Variants in DNAJC1 observed in about 807,000 individuals in gnomAD.
The protein encoded by DNAJC1 is DnaJ heat shock protein family (Hsp40) member C1.
A neutral mutation model predicts 76.6 loss-of-function variants in DNAJC1; 58 were observed. The observed-to-expected ratio is 0.76, with a 90% CI of 0.61 to 0.94. The LOEUF (loss-of-function observed/expected upper bound fraction) is 0.94. DNAJC1 is among the 40% of genes least tolerant of loss of function. The pLI is 0.00. For synonymous variants in DNAJC1, 258 were observed against 267.9 expected, an observed-to-expected ratio of 0.96 and a Z score of 0.36; for missense variants, 689 against 677.3, an observed-to-expected ratio of 1.02 and a Z score of -0.19.
chr10:21,954,562 C>T (rs1054096730), intron 1 of DNAJC1, among the ~76,000 whole-genome samples: 4 of 152,082 alleles, frequency 2.6e-5, no homozygotes, highest in Non-Finnish European at 5.9e-5. Flanking sequence ...AAATAGTAGG[C>T]TGAAATATAG....
At position 21,759,146 on chromosome 10, in the gene DNAJC1, G is replaced by A; in HGVS notation, c.1596+24C>T. ...CTGGTGGGATTCTAACACCTGTGCA[G>A]AGGCCTCTTTCCCCATCACTCACCT... On this transcript the variant is annotated intron_variant, in intron 11 of 11. Coordinates refer to ENST00000376980, the MANE Select transcript of DNAJC1 (RefSeq NM_022365.4). 1.9e-6 allele frequency: 3 copies of A among 1,599,582 alleles called. No homozygotes were observed. In the East Asian group the frequency reaches 6.7e-5, roughly 36 times the overall value.
intron 8 of DNAJC1, among the ~76,000 whole-genome samples, chr10:21,851,414 G>A (rs1238566877): frequency 6.6e-6 from 1 of 152,164 alleles, no homozygotes; most frequent in Admixed American, 6.5e-5. Flanking sequence ...AAACCAAAGT[G>A]AGATAGTGAG....
chr10:21,756,885 A>G (rs1834181992), intron 11 of DNAJC1, 130 bp from the exon 12 acceptor site: 6 of 811,502 alleles, frequency 7.4e-6, no homozygotes, highest in Non-Finnish European at 1.0e-5. Context: ...AGTTCCCGGG[A>G]TGTCCTGGAG....
At chr10:21,782,923 G>T (rs1834552087) in intron 9 of DNAJC1, among the ~76,000 whole-genome samples, 2 of 152,294 alleles carry the variant, frequency 1.3e-5, no homozygotes, top group South Asian at 4.1e-4. Flanking sequence ...AGCTATTTAT[G>T]ACAAACCCAC....
chr10:21,958,779 G>C (rs553055462), intron 1 of DNAJC1, among the ~76,000 whole-genome samples: 1 of 151,756 alleles, frequency 6.6e-6, no homozygotes, highest in East Asian at 1.9e-4. Flanking sequence ...AGGTTTTTCT[G>C]ATATATTTAA....
intron 1 of DNAJC1, among the ~76,000 whole-genome samples, chr10:21,965,003 G>A (rs190992753): frequency 6.6e-6 from 1 of 152,092 alleles, no homozygotes; most frequent in African/African-American, 2.4e-5. Context: ...TTAGCTTCTT[G>A]AAAATACTGT....
chr10:21,888,611 T>C (rs1239319439), intron 7 of DNAJC1, among the ~76,000 whole-genome samples: 2 of 152,212 alleles, frequency 1.3e-5, no homozygotes, highest in Admixed American at 1.3e-4. Flanking sequence ...AAGAATGAGA[T>C]CATGTCTTTT....
intron 9 of DNAJC1, among the ~76,000 whole-genome samples, chr10:21,791,137 GTCATTAT>G (rs1834681327): frequency 6.6e-6 from 1 of 152,168 alleles, no homozygotes; most frequent in African/African-American, 2.4e-5. Context: ...GACAAAAAAG[GTCATTAT>G]ATGATGATAA....
chr10:21,768,625 C>T (rs1834330717), intron 9 of DNAJC1, among the ~76,000 whole-genome samples: 1 of 152,152 alleles, frequency 6.6e-6, no homozygotes, highest in Non-Finnish European at 1.5e-5. Flanking sequence ...AGAATTAGAA[C>T]ATTTAAAGCT....
chr10:21,779,493 G>A (rs528492317), intron 9 of DNAJC1, among the ~76,000 whole-genome samples: 1 of 152,344 alleles, frequency 6.6e-6, no homozygotes, highest in Non-Finnish European at 1.5e-5. Context: ...AGGGTCTGGA[G>A]TGGACCTCCA....
chr10:21,956,166 GA>G (rs1564837739), intron 1 of DNAJC1, among the ~76,000 whole-genome samples: 1 of 152,166 alleles, frequency 6.6e-6, no homozygotes, highest in East Asian at 1.9e-4. Flanking sequence ...GCAGAACACA[GA>G]GGGCAAGAGA....
intron 8 of DNAJC1, among the ~76,000 whole-genome samples, chr10:21,818,391 T>C (rs1449310924): frequency 2.0e-5 from 3 of 152,214 alleles, no homozygotes; most frequent in Non-Finnish European, 4.4e-5. Flanking sequence ...TGACAAAGCA[T>C]GCCGAAACTT....
At chr10:21,812,189 A>G (rs1463214795) in intron 8 of DNAJC1, among the ~76,000 whole-genome samples, 1 of 151,388 alleles carries the variant, frequency 6.6e-6, no homozygotes, top group Non-Finnish European at 1.5e-5. Flanking sequence ...CTCCCGAGTA[A>G]CTGGGATTAC....
chr10:21,870,935 C>T (rs562177836), intron 8 of DNAJC1, among the ~76,000 whole-genome samples: 1 of 139,074 alleles, frequency 7.2e-6, no homozygotes, highest in South Asian at 2.6e-4. Flanking sequence ...AACATCACAA[C>T]CTGTATTACC....
At chr10:21,894,123 T>C (rs1836501867) in intron 7 of DNAJC1, among the ~76,000 whole-genome samples, 1 of 152,142 alleles carries the variant, frequency 6.6e-6, no homozygotes, top group South Asian at 2.1e-4. Context: ...AAACATGAAA[T>C]AGATATTTAA....
At chr10:21,887,131 T>C (rs1836379945) in intron 7 of DNAJC1, among the ~76,000 whole-genome samples, 1 of 151,918 alleles carries the variant, frequency 6.6e-6, no homozygotes, top group African/African-American at 2.4e-5. Context: ...AAGGCAATCC[T>C]ATTCACAACT....
At chr10:21,789,158 AG>A (rs1283005063) in intron 9 of DNAJC1, among the ~76,000 whole-genome samples, 5 of 152,180 alleles carry the variant, frequency 3.3e-5, no homozygotes, top group Non-Finnish European at 7.3e-5. Flanking sequence ...AGTTGAGAAA[AG>A]GACTCCAAAA....
intron 1 of DNAJC1, among the ~76,000 whole-genome samples, chr10:21,988,179 C>T (rs1190442853): frequency 6.6e-6 from 1 of 152,068 alleles, no homozygotes; most frequent in African/African-American, 2.4e-5. Context: ...AATTTCTTAA[C>T]ATAATCTAAG....
rs529916875 is a variant in DNAJC1 at position 21,836,130 on chromosome 10, G to A, written c.979-30031C>T. Among the ~76,000 whole-genome samples the A allele has an allele frequency of 1.9e-3, 290 of 152,268 alleles. 2 individuals carry two copies. Among genetic ancestry groups the A allele is most frequent in the Middle Eastern group, 0.01 (3 of 294 alleles). ...CCATCAGACTAACAGCGGATCTCTC[G>A]GCAGAAACTCTACAAGCCAGAAGAC... is the stretch of plus-strand genomic sequence containing the variant. On this transcript the variant is annotated intron_variant, in intron 8 of 11. Transcript: ENST00000376980.
Sources: gnomAD v4.1 joint callset for allele counts (sites outside exome capture counted in the v4.1 genomes callset) on GRCh38, gnomAD v4.1.1 for gene constraint, MANE v1.5 for transcripts, NCBI Gene and HGNC (gene_info 2026-07-23, HGNC 2026-07-21) for gene names.